The following PTPRN2 variants were observed in gnomAD, a reference collection of about 807,000 sequenced individuals.
PTPRN2 encodes protein tyrosine phosphatase receptor type N2, also known as receptor-type tyrosine-protein phosphatase N2.
In PTPRN2, 74 loss-of-function variants were observed where a neutral mutation model predicts 118.8. The ratio of observed to expected loss-of-function variants is 0.62; its 90% CI spans 0.52 to 0.76. PTPRN2 has a LOEUF of 0.76. Among genes scored for constraint, PTPRN2 ranks in the 30% least tolerant of loss-of-function variants. PTPRN2 has a pLI of 0.00. For missense variants in PTPRN2, 1,481 were observed against 1,394.4 expected (o/e 1.06, Z -0.99); for synonymous variants, 641 against 608.0 (o/e 1.05, Z -0.80).
intron 1 of PTPRN2, among the ~76,000 whole-genome samples, chr7:158,579,421 C>T (rs1828513538): frequency 6.6e-6 from 1 of 152,210 alleles, no homozygotes; most frequent in South Asian, 2.1e-4. Flanking sequence ...ATCAGAAACT[C>T]TGTGGTTACC....
chr7:158,212,744 C>A (rs1387247751), intron 3 of PTPRN2, among the ~76,000 whole-genome samples: 1 of 152,060 alleles, frequency 6.6e-6, no homozygotes, highest in Non-Finnish European at 1.5e-5. Flanking sequence ...CTCTACCTGC[C>A]CGCCACCATA....
intron 11 of PTPRN2, among the ~76,000 whole-genome samples, chr7:158,007,150 G>T (rs567012402): frequency 5.3e-5 from 8 of 152,258 alleles, no homozygotes; most frequent in African/African-American, 1.9e-4. Context: ...CCCACCCCAC[G>T]ACCTCACATA....
At chr7:157,947,030 GC>G (rs1800530130) in intron 11 of PTPRN2, among the ~76,000 whole-genome samples, 1 of 152,220 alleles carries the variant, frequency 6.6e-6, no homozygotes, top group Non-Finnish European at 1.5e-5. Context: ...GGGCTAGTGT[GC>G]TGCTTAGCTC....
Position 157,831,885 on chromosome 7 carries a change from A to G in PTPRN2, c.1788+66788T>C, listed in dbSNP as rs1807591541. 6.6e-6 allele frequency among the ~76,000 whole-genome samples: 1 copy of G among 152,166 alleles called. No individual in the cohort carries two copies. The highest frequency in any genetic ancestry group is 2.1e-4 in the South Asian group (1 of 4,828). ...CAGGGTTTAATTCATAGCCATCCTT[A>G]AGCTGGGGGAGGGCAGTTATGGAGC... On this transcript the variant is annotated intron_variant, in intron 12 of 22. Coordinates refer to ENST00000389418, the MANE Select transcript of PTPRN2 (RefSeq NM_002847.5). This position sits in a 1 kb window ranked among gnomAD's most constrained non-coding sequence, Gnocchi z 4.8.
chr7:158,044,885 GAC>G (rs1208976522), intron 11 of PTPRN2, among the ~76,000 whole-genome samples: 2 of 152,200 alleles, frequency 1.3e-5, no homozygotes, highest in Non-Finnish European at 2.9e-5. Context: ...GCACCTGGAG[GAC>G]ACCAGGAGGA....
intron 11 of PTPRN2, among the ~76,000 whole-genome samples, chr7:158,034,652 C>T (rs1476037608): frequency 6.6e-6 from 1 of 152,216 alleles, no homozygotes; most frequent in Non-Finnish European, 1.5e-5. Context: ...TGAAAAAAAA[C>T]TAACACAGGC....
chr7:157,823,957 G>C (rs1563145785), intron 12 of PTPRN2, among the ~76,000 whole-genome samples: 2 of 152,194 alleles, frequency 1.3e-5, no homozygotes. Flanking sequence ...AGAGAAATTA[G>C]AAGTGTTTTT....
intron 12 of PTPRN2, among the ~76,000 whole-genome samples, chr7:157,731,684 G>A (rs1382025062): frequency 4.5e-4 from 6 of 13,278 alleles, no homozygotes; most frequent in South Asian, 7.4e-3. Context: ...ACCCTTTCCC[G>A]TCCCACGCGC....
intron 12 of PTPRN2, among the ~76,000 whole-genome samples, chr7:157,714,111 C>A (rs995260761): frequency 5.3e-5 from 8 of 152,236 alleles, no homozygotes; most frequent in Admixed American, 5.2e-4. Flanking sequence ...CGATGACATT[C>A]TTAGGTGAGC....
intron 12 of PTPRN2, among the ~76,000 whole-genome samples, chr7:157,814,075 C>T (rs1049198764): frequency 6.6e-5 from 10 of 152,256 alleles, no homozygotes; most frequent in Admixed American, 1.3e-4. Flanking sequence ...CCCACACTGC[C>T]GTGCTGCGCA....
chr7:158,052,913 A>C (rs756182155), intron 11 of PTPRN2, among the ~76,000 whole-genome samples: 26 of 152,106 alleles, frequency 1.7e-4, no homozygotes, highest in Non-Finnish European at 3.5e-4. Context: ...GGCTACAGGG[A>C]CAGCCCTCCC....
At chr7:158,541,716 A>C in intron 1 of PTPRN2, 1 of 1,234,138 alleles carries the variant, frequency 8.1e-7, no homozygotes, top group Non-Finnish European at 1.0e-6. Context: ...GAAAATTAAA[A>C]CACTTGCTTA....
At chr7:158,497,236 T>C (rs1822019261) in intron 1 of PTPRN2, among the ~76,000 whole-genome samples, 1 of 118,738 alleles carries the variant, frequency 8.4e-6, no homozygotes, top group Admixed American at 9.4e-5. Flanking sequence ...CCCTCCCCCT[T>C]CCCTGGGCTG....
rs1585932859 is a variant in PTPRN2 at position 158,237,750 on chromosome 7, A to C, written c.278-32477T>G. ...ACCCACAGGTGTGTAGGGGCAACCCACCCCTACACTCTGCCACTTCGCCGC... is the reference window on the plus strand; with the variant it reads ...ACCCACAGGTGTGTAGGGGCAACCCCCCCCTACACTCTGCCACTTCGCCGC... On this transcript the variant is annotated intron_variant, in intron 3 of 22. Coordinates refer to ENST00000389418, the MANE Select transcript of PTPRN2 (RefSeq NM_002847.5). 3.3e-4 allele frequency among the ~76,000 whole-genome samples: 3 copies of C among 9,084 alleles called. 1 individual carries two copies. Among genetic ancestry groups the C allele is most frequent in the African/African-American group, 9.1e-4 (1 of 1,094 alleles). The allele number at this position is 9,084 out of a possible 152,430, so 6.0% of individuals were successfully genotyped here.
chr7:157,821,938 T>A (rs773823590), intron 12 of PTPRN2, among the ~76,000 whole-genome samples: 8 of 152,014 alleles, frequency 5.3e-5, no homozygotes, highest in Non-Finnish European at 1.2e-4. Context: ...ACACTATCCA[T>A]CATCCATACA....
chr7:157,942,621 C>T (rs1563260565), intron 11 of PTPRN2, among the ~76,000 whole-genome samples: 1 of 152,120 alleles, frequency 6.6e-6, no homozygotes, highest in Non-Finnish European at 1.5e-5. Context: ...CAGACCCCAA[C>T]TTCTCCGCGT....
intron 12 of PTPRN2, chr7:157,864,935 C>T (rs911696825): frequency 2.0e-5 from 3 of 152,270 alleles, no homozygotes; most frequent in East Asian, 1.9e-4. Context: ...TGCACAAGGG[C>T]TCACAGCTGG....
intron 12 of PTPRN2, among the ~76,000 whole-genome samples, chr7:157,750,944 G>C (rs546098256): frequency 6.6e-6 from 1 of 152,236 alleles, no homozygotes; most frequent in Non-Finnish European, 1.5e-5. Context: ...GCCAGGGCTC[G>C]CTGGTAGGCC....
chr7:157,970,602 G>T (rs1310745547), intron 11 of PTPRN2, among the ~76,000 whole-genome samples: 1 of 150,696 alleles, frequency 6.6e-6, no homozygotes, highest in African/African-American at 2.4e-5. Context: ...ACTGTAACTG[G>T]CAGCAGTGTG....
Sources: gnomAD v4.1 joint callset for allele counts (sites outside exome capture counted in the v4.1 genomes callset) on GRCh38, gnomAD v4.1.1 for gene constraint, Gnocchi (gnomAD v3.1) non-coding constraint, MANE v1.5 for transcripts, NCBI Gene and HGNC (gene_info 2026-07-23, HGNC 2026-07-21) for gene names.